LVRN: variants seen among roughly 807,000 people sequenced by gnomAD.
The protein encoded by LVRN is laeverin.
A neutral mutation model predicts 111.4 loss-of-function variants in LVRN; 99 were observed. The observed-to-expected ratio is 0.89, with a 90% CI of 0.76 to 1.05. The LOEUF is 1.05. Among genes scored for constraint, LVRN ranks in the 50% least tolerant of loss-of-function variants. The probability of loss-of-function intolerance (pLI) is 0.00; values close to 1 mark genes in which losing one functional copy is unlikely to be tolerated. For synonymous variants in LVRN, 488 were observed against 449.5 expected, an observed-to-expected ratio of 1.09 and a Z score of -1.08; for missense variants, 1,414 against 1,206.8, an observed-to-expected ratio of 1.17 and a Z score of -2.54.
At chr5:116,004,767 G>T (rs1321841267) in intron 12 of LVRN, among the ~76,000 whole-genome samples, 2 of 152,110 alleles carry the variant, frequency 1.3e-5, no homozygotes, top group Non-Finnish European at 2.9e-5. Context: ...GTGTAATAAT[G>T]GGGGTAATAT....
At chr5:115,984,381 A>C (rs1747801461) in intron 2 of LVRN, among the ~76,000 whole-genome samples, 189 bp from the exon 3 acceptor site, 1 of 152,144 alleles carries the variant, frequency 6.6e-6, no homozygotes, top group South Asian at 2.1e-4. Flanking sequence ...ATTCAGGCCC[A>C]AGATGCTGTT....
intron 2 of LVRN, 132 bp downstream of exon 2, chr5:115,983,561 A>G: frequency 9.9e-7 from 1 of 1,013,480 alleles, no homozygotes; most frequent in Non-Finnish European, 1.3e-6. Flanking sequence ...TAGGTAGAGC[A>G]GTCACCTGGG....
chr5:116,013,777 T>C (rs1296954583), intron 15 of LVRN, among the ~76,000 whole-genome samples: 2 of 152,194 alleles, frequency 1.3e-5, no homozygotes, highest in Non-Finnish European at 2.9e-5. Context: ...CCACAAGGCA[T>C]CACTTACCTG....
At position 115,987,741 on chromosome 5, in the gene LVRN, G is replaced by C. The variant is rs1409940033; in HGVS notation, c.979-72G>C. The C allele has an allele frequency of 3.3e-6, 5 of 1,518,760 alleles. No individual in the cohort carries two copies. In the East Asian group the frequency reaches 9.3e-5, roughly 28 times the overall value. The allele number at this position is 1,518,760 out of a possible 1,614,324, so 94.1% of individuals were successfully genotyped here. On this transcript the variant is annotated intron_variant, in intron 3 of 19. Transcript: ENST00000357872. ...GACTTTGGTTCAGCAGCAGGGAATT[G>C]GAGCAAGCAGACTACCTCTTTCCAA...
chr5:116,020,766 T>C (rs1748710350), intron 18 of LVRN, among the ~76,000 whole-genome samples: 1 of 152,116 alleles, frequency 6.6e-6, no homozygotes, highest in Non-Finnish European at 1.5e-5. Flanking sequence ...AGAAGGAATC[T>C]GACATGGCAG....
intron 15 of LVRN, 89 bp from the exon 16 acceptor site, chr5:116,014,331 A>G: frequency 1.1e-6 from 1 of 929,422 alleles, no homozygotes; most frequent in Non-Finnish European, 1.7e-6. Context: ...AAAAATACCC[A>G]TCTTTTTATG....
At chr5:116,022,306 C>A in intron 18 of LVRN, 85 bp from the exon 19 acceptor site, 1 of 875,270 alleles carries the variant, frequency 1.1e-6, no homozygotes, top group Non-Finnish European at 1.9e-6. Context: ...AGGGGCCATA[C>A]ACTTGACCTT....
chr5:115,980,272 G>A lies in LVRN; in HGVS notation c.696-3015G>A, dbSNP rs35582042. 4.4e-3 allele frequency among the ~76,000 whole-genome samples: 665 copies of A among 151,998 alleles called. 3 individuals are homozygous for A. The highest frequency in any genetic ancestry group is 7.5e-3 in the Admixed American group (114 of 15,238). On this transcript the variant is annotated intron_variant, in intron 1 of 19. Transcript: ENST00000357872. ...AGTCCAAAGCACAGAGAAAAGGGAA[G>A]GAAACACCACTGTGAGGTTCTCAGA...
chr5:116,020,038 C>G (rs369798199), intron 18 of LVRN: 3 of 152,220 alleles, frequency 2.0e-5, no homozygotes, highest in African/African-American at 7.2e-5. Flanking sequence ...TTCAGCCAGG[C>G]CCAGAATTCT....
intron 1 of LVRN, among the ~76,000 whole-genome samples, chr5:115,970,447 A>G (rs1355847282): frequency 4.0e-5 from 6 of 150,530 alleles, no homozygotes; most frequent in African/African-American, 1.2e-4. Context: ...CAGTGACACA[A>G]TCTCAGCTCA....
chr5:115,982,099 A>G (rs1213458239), intron 1 of LVRN, among the ~76,000 whole-genome samples: 2 of 152,196 alleles, frequency 1.3e-5, no homozygotes, highest in Non-Finnish European at 2.9e-5. Flanking sequence ...CAGTAAGCAT[A>G]TAATAATGTG....
chr5:115,963,340 C>T, intron 1 of LVRN, 28 bp downstream of exon 1: 1 of 1,526,944 alleles, frequency 6.5e-7, no homozygotes, highest in Non-Finnish European at 8.8e-7. Context: ...CGGGGCCCCT[C>T]TCGGCCCCCG....
rs376267943 is a variant in LVRN at position 115,999,730 on chromosome 5, G to A, written c.1375-32G>A. ...ATTTTGGTCTTCTGTGACACCTCAG[G>A]AGTTAATGTGCCTCCATCTTTTCCT... is the stretch of plus-strand genomic sequence containing the variant. On this transcript the variant is annotated intron_variant, in intron 6 of 19. Coordinates refer to ENST00000357872, the MANE Select transcript of LVRN (RefSeq NM_173800.5). 4.7e-4 allele frequency: 755 copies of A among 1,609,812 alleles called. 1 individual carries two copies. Among genetic ancestry groups the A allele is most frequent in the Non-Finnish European group, 4.1e-4 (487 of 1,178,138 alleles).
At chr5:116,002,791 TTA>T in intron 10 of LVRN, 42 bp from the exon 11 acceptor site, 1 of 1,396,868 alleles carries the variant, frequency 7.2e-7, no homozygotes, top group South Asian at 1.2e-5. Flanking sequence ...GTGTATGTTT[TTA>T]TGTGTGAAAA....
At chr5:116,005,752 A>G in intron 12 of LVRN, 160 bp from the exon 13 acceptor site, 1 of 694,142 alleles carries the variant, frequency 1.4e-6, no homozygotes, top group Non-Finnish European at 2.7e-6. Context: ...TAAATAAATT[A>G]TGGGGACTGT....
rs766003445 is a variant in LVRN, at chr5:115,963,107, C to G, written c.490C>G (p.Pro164Ala). 2 of 1,613,612 alleles carry G rather than the reference C, an allele frequency of 1.2e-6. No homozygotes were observed. Among genetic ancestry groups the G allele is most frequent in the African/African-American group, 1.3e-5 (1 of 75,062 alleles). ...CGCCGAGGTGCGGGGACCCCTTTCCCCGGGCACTGGGAACGCCACAGTGGG... is the reference window on the plus strand; with the variant it reads ...CGCCGAGGTGCGGGGACCCCTTTCCGCGGGCACTGGGAACGCCACAGTGGG... ...ERAEVRGPLSPGTGNATVGRV... is the reference protein window; with the variant it reads ...ERAEVRGPLSAGTGNATVGRV... Residue 164 changes from proline to alanine, a missense_variant, in exon 1 of 20, where the codon CCG (proline) becomes GCG (alanine). Physicochemically the swap from Pro to Ala is conservative, Grantham distance 27 (BLOSUM62 -1). Coordinates refer to ENST00000357872, the MANE Select transcript of LVRN (RefSeq NM_173800.5).
chr5:115,975,889 GT>G, intron 1 of LVRN: 1 of 158,928 alleles, frequency 6.3e-6, no homozygotes, highest in Non-Finnish European at 1.5e-5. Flanking sequence ...ATTGTAATTT[GT>G]TTTTTAAAAA....
chr5:116,022,081 G>A (rs1359262410), intron 18 of LVRN: 1 of 238,726 alleles, frequency 4.2e-6, no homozygotes, highest in East Asian at 1.2e-4. Flanking sequence ...TATTCCCTTA[G>A]AAATTGTATT....
At position 116,026,006 on chromosome 5, in the gene LVRN, A is replaced by G. The variant is rs1390795129; in HGVS notation, c.2861A>G (p.Glu954Gly). The change falls in exon 20 of 20, where the codon GAG (glutamate) becomes GGG (glycine). Residue 954 changes from glutamate (E) to glycine (G), a missense_variant. Transcript: ENST00000357872. The part of the protein sequence containing the change: ...ELQQFFSNML[E>G]EHQRIRVHAN... ...CAGCAGTTTTTCAGTAACATGTTGGAGGAACACCAGAGGATCAGAGTTCAT... is the reference window on the plus strand; with the variant it reads ...CAGCAGTTTTTCAGTAACATGTTGGGGGAACACCAGAGGATCAGAGTTCAT... The G allele has an allele frequency of 6.2e-7, 1 of 1,613,748 alleles. No individual in the cohort carries two copies. Among genetic ancestry groups the G allele is most frequent in the Admixed American group, 1.7e-5 (1 of 59,974 alleles).
Sources: gnomAD v4.1 joint callset for allele counts (sites outside exome capture counted in the v4.1 genomes callset) on GRCh38, gnomAD v4.1.1 for gene constraint, MANE v1.5 for transcripts, NCBI Gene and HGNC (gene_info 2026-07-23, HGNC 2026-07-21) for gene names.